The following USP5 variants were observed in gnomAD, a reference collection of about 807,000 sequenced individuals.
The protein encoded by USP5 is ubiquitin specific peptidase 5, also known as ubiquitin carboxyl-terminal hydrolase 5.
USP5 carries 24 observed loss-of-function variants against 102.5 expected under a neutral mutation model. The observed-to-expected ratio is 0.23, with a 90% confidence interval of 0.17 to 0.33. USP5 has a LOEUF of 0.33. Ranked by LOEUF, USP5 falls within the 10% of genes least tolerant of loss-of-function variation. The pLI, the probability that USP5 is intolerant of heterozygous loss-of-function variation, is 1.00. For missense variants in USP5, 753 were observed against 1,122.1 expected (o/e 0.67, Z 4.70); for synonymous variants, 460 against 434.8 (o/e 1.06, Z -0.72).
At chr12:6,859,655 G>A in intron 9 of USP5, 114 bp downstream of exon 9, 1 of 1,073,768 alleles carries the variant, frequency 9.3e-7, no homozygotes, top group Non-Finnish European at 1.4e-6. Flanking sequence ...TTTTTGTTTT[G>A]TTTTGTTTTG....
rs782684983 is a variant in USP5 at position 6,857,699 on chromosome 12, C to T, written c.840C>T (p.Gly280=). ...PSLAEHLSHF[G]IDMLKMQKTD... is the part of the protein sequence containing the mutation. ...TGGCTGAGCACCTGTCCCACTTCGG[C>T]ATCGACATGCTGAAGATGCAGAAGG... is the stretch of plus-strand genomic sequence containing the variant. The change falls in exon 7 of 20, where the codon GGC becomes GGT. Residue 280 remains glycine (G), a synonymous_variant. Coordinates refer to ENST00000229268, the MANE Select transcript of USP5 (RefSeq NM_001098536.2). 1 of 1,614,142 alleles carries T rather than the reference C, an allele frequency of 6.2e-7. No individual in the cohort carries two copies. The highest frequency in any genetic ancestry group is 1.1e-5 in the South Asian group (1 of 91,074).
In USP5 at chr12:6,863,183, C is replaced by T; in HGVS notation, c.1763-3C>T. On this transcript the variant is annotated splice_polypyrimidine_tract_variant and splice_region_variant and intron_variant, in intron 14 of 19. Coordinates refer to ENST00000229268, the MANE Select transcript of USP5 (RefSeq NM_001098536.2). This position sits in a 1 kb window ranked among gnomAD's most constrained non-coding sequence, Gnocchi z 4.7. ...AGCTGCTGAGGTGACCCTTTTCCCA[C>T]AGATGTGTCCATCGAGATGCCAGAG... is the stretch of plus-strand genomic sequence containing the variant. 1 of 1,607,306 alleles carries T rather than the reference C, an allele frequency of 6.2e-7. No individual in the cohort carries two copies. The highest frequency in any genetic ancestry group is 8.5e-7 in the Non-Finnish European group (1 of 1,176,438).
chr12:6,863,850 G>C lies in USP5; in HGVS notation c.1975G>C (p.Val659Leu). The C allele has an allele frequency of 1.2e-6, 2 of 1,603,962 alleles. No individual in the cohort carries two copies. The highest frequency in any genetic ancestry group is 1.1e-5 in the South Asian group (1 of 89,884). ...TACAGCGCCCATGCTGGATGAATCA[G>C]TCATCATCCAGCTGGTGGAGATGGG... ...SPTSPMLDESVIIQLVEMGFP... is the reference protein window; with the variant it reads ...SPTSPMLDESLIIQLVEMGFP... The change falls in exon 16 of 20, where the codon GTC (valine) becomes CTC (leucine). Residue 659 changes from valine (V) to leucine (L), a missense_variant. By Grantham distance (32) the Val-to-Leu change is conservative (BLOSUM62 1). This residue lies in a region of USP5 where 193 missense variants were observed against 230.2 expected (regional missense o/e 0.84). Coordinates refer to ENST00000229268, the MANE Select transcript of USP5 (RefSeq NM_001098536.2). This position sits in a 1 kb window ranked among gnomAD's most constrained non-coding sequence, Gnocchi z 4.7.
At position 6,863,742 on chromosome 12, in the gene USP5, A is replaced by T; in HGVS notation, c.1955-88A>T. 2.7e-6 allele frequency: 4 copies of T among 1,481,726 alleles called. No homozygotes were observed. The South Asian group carries it at 4.2e-5, about 16-fold the overall frequency. 91.8% of individuals were successfully genotyped at this position (1,481,726 alleles called of 1,614,324 possible). On this transcript the variant is annotated intron_variant, in intron 15 of 19. Transcript: ENST00000229268. The surrounding 1 kb of genome is among the most constrained non-coding windows in gnomAD (Gnocchi z 4.7). ...GGGAGAAAAATGCATGGAATGGGTG[A>T]TTGGAAGAGGGCTGGGTCCTGGGGG...
At position 6,858,179 on chromosome 12, in the gene USP5, A is replaced by G. The variant is rs1024754462; in HGVS notation, c.865-245A>G. On this transcript the variant is annotated intron_variant, in intron 7 of 19. Coordinates refer to ENST00000229268, the MANE Select transcript of USP5 (RefSeq NM_001098536.2). The surrounding 1 kb of genome is among the most constrained non-coding windows in gnomAD (Gnocchi z 4.2). ...AACTTAAGGATGGGAAAAACATTTC[A>G]GGTAGAAGGAAATTTTATTCCTCAT... Among the ~76,000 whole-genome samples the G allele has an allele frequency of 1.3e-5, 2 of 152,206 alleles. No individual in the cohort carries two copies. The highest frequency in any genetic ancestry group is 1.5e-5 in the Non-Finnish European group (1 of 68,032).
In USP5 at chr12:6,863,412, G is replaced by T. The variant is rs782204466; in HGVS notation, c.1954+35G>T. ...TCTTCTTCCTGCCTGTCTCTCTCCC[G>T]TGCTGATGGGGGCCTCTCTGCCTTG... On this transcript the variant is annotated intron_variant, in intron 15 of 19. Transcript: ENST00000229268. The surrounding 1 kb of genome is among the most constrained non-coding windows in gnomAD (Gnocchi z 4.7). 1.3e-6 allele frequency: 2 copies of T among 1,594,430 alleles called. No individual in the cohort carries two copies. The highest frequency in any genetic ancestry group is 1.7e-5 in the Admixed American group (1 of 58,864).
rs782812188 is a variant in USP5 at position 6,855,544 on chromosome 12, G to A, written c.237+18G>A. The A allele has an allele frequency of 1.1e-5, 18 of 1,613,660 alleles. No homozygotes were observed. In the South Asian group the frequency reaches 1.9e-4, roughly 17 times the overall value. On this transcript the variant is annotated intron_variant, in intron 2 of 19. Transcript: ENST00000229268. This position sits in a 1 kb window ranked among gnomAD's most constrained non-coding sequence, Gnocchi z 4.6. ...GGCGCCCGGTAGGAGCAGGGCTGGGGCAAGGCCTGGGTACATTGTCTGTTC... is the reference window on the plus strand; with the variant it reads ...GGCGCCCGGTAGGAGCAGGGCTGGGACAAGGCCTGGGTACATTGTCTGTTC...
In USP5 at chr12:6,861,624, C is replaced by A. The variant is rs1380728279; in HGVS notation, c.1673+7C>A. The A allele has an allele frequency of 3.2e-6, 5 of 1,544,116 alleles. No individual in the cohort carries two copies. In the African/African-American group the frequency reaches 5.5e-5, roughly 17 times the overall value. ...CCAAGTCAGTAGCTGTCAAGTAAGTCCTCTGGTCGGGGCCTGAGGCTGTGG... is the reference window on the plus strand; with the variant it reads ...CCAAGTCAGTAGCTGTCAAGTAAGTACTCTGGTCGGGGCCTGAGGCTGTGG... On this transcript the variant is annotated splice_region_variant and intron_variant, in intron 13 of 19. Coordinates refer to ENST00000229268, the MANE Select transcript of USP5 (RefSeq NM_001098536.2). This position sits in a 1 kb window ranked among gnomAD's most constrained non-coding sequence, Gnocchi z 4.9.
At chr12:6,853,659 T>C (rs1213636159) in intron 1 of USP5, among the ~76,000 whole-genome samples, 1 of 152,218 alleles carries the variant, frequency 6.6e-6, no homozygotes, top group Non-Finnish European at 1.5e-5. Flanking sequence ...CTTTGAATAA[T>C]CCAAAAAGGG....
In USP5 at chr12:6,860,309, G is replaced by C; in HGVS notation, c.1219-57G>C. On this transcript the variant is annotated intron_variant, in intron 10 of 19. Coordinates refer to ENST00000229268, the MANE Select transcript of USP5 (RefSeq NM_001098536.2). The surrounding 1 kb of genome is among the most constrained non-coding windows in gnomAD (Gnocchi z 5.5). Reference sequence around the variant, plus strand: ...AGCTGAGGTCTGGGAGATGTCTAAAGAAGGCCCCTGGATGGCCACTGAGCC... The same window carrying C: ...AGCTGAGGTCTGGGAGATGTCTAAACAAGGCCCCTGGATGGCCACTGAGCC... The C allele has an allele frequency of 1.2e-6, 2 of 1,613,250 alleles. No individual in the cohort carries two copies. The highest frequency in any genetic ancestry group is 1.1e-5 in the South Asian group (1 of 91,064).
Position 6,860,813 on chromosome 12 carries a change from G to C in USP5, c.1345-140G>C. 7.8e-7 allele frequency: 1 copy of C among 1,288,104 alleles called. No individual in the cohort carries two copies. Among genetic ancestry groups the C allele is most frequent in the Non-Finnish European group, 1.1e-6 (1 of 926,136 alleles). 79.8% of individuals were successfully genotyped at this position (1,288,104 alleles called of 1,614,324 possible). Reference sequence around the variant, plus strand: ...GAAATGGGGAGGGGTTGGTGAATTAGGGAAGGTTTCTGCTCTGCTCTTGTG... The same window carrying C: ...GAAATGGGGAGGGGTTGGTGAATTACGGAAGGTTTCTGCTCTGCTCTTGTG... On this transcript the variant is annotated intron_variant, in intron 11 of 19. Transcript: ENST00000229268. The surrounding 1 kb of genome is among the most constrained non-coding windows in gnomAD (Gnocchi z 5.5).
chr12:6,854,939 G>A (rs1555127792), intron 1 of USP5, among the ~76,000 whole-genome samples: 1 of 152,128 alleles, frequency 6.6e-6, no homozygotes, highest in Admixed American at 6.5e-5. Context: ...TCACATGAAA[G>A]TCTTTCCTCT....
chr12:6,866,137 G>GGGCTGA lies in USP5; in HGVS notation c.*63_*68dup. 6.7e-7 allele frequency: 1 copy of GGGCTGA among 1,489,698 alleles called. No homozygotes were observed. The highest frequency in any genetic ancestry group is 9.4e-7 in the Non-Finnish European group (1 of 1,068,236). 92.3% of individuals were successfully genotyped at this position (1,489,698 alleles called of 1,614,324 possible). On this transcript the variant is annotated 3_prime_UTR_variant, in exon 20 of 20. Coordinates refer to ENST00000229268, the MANE Select transcript of USP5 (RefSeq NM_001098536.2). The surrounding 1 kb of genome is among the most constrained non-coding windows in gnomAD (Gnocchi z 4.7). ...GAAGACCACCTGGCATGAGGGAGAGGGGCTGAGGGATGGACTTCAGCCCCT... is the reference window on the plus strand; with the variant it reads ...GAAGACCACCTGGCATGAGGGAGAGGGGCTGAGGCTGAGGGATGGACTTCAGCCCCT...
chr12:6,865,564 G>C (rs1000165675), intron 19 of USP5, among the ~76,000 whole-genome samples: 1 of 152,138 alleles, frequency 6.6e-6, no homozygotes, highest in Non-Finnish European at 1.5e-5. Flanking sequence ...TGCCTGGCCA[G>C]GCCCCCTGCC....
chr12:6,862,228 G>A (rs1337967588), intron 13 of USP5, among the ~76,000 whole-genome samples: 1 of 152,060 alleles, frequency 6.6e-6, no homozygotes, highest in Non-Finnish European at 1.5e-5. Context: ...TTACAGATAT[G>A]AGCCACCATG....
chr12:6,860,853 G>A lies in USP5; in HGVS notation c.1345-100G>A. ...CTGCTCTTGTGTCCCTGAGTTCCGAGTGGTAGTCTGCCTTCTCTCCCTGAC... is the reference window on the plus strand; with the variant it reads ...CTGCTCTTGTGTCCCTGAGTTCCGAATGGTAGTCTGCCTTCTCTCCCTGAC... On this transcript the variant is annotated intron_variant, in intron 11 of 19. Transcript: ENST00000229268. The surrounding 1 kb of genome is among the most constrained non-coding windows in gnomAD (Gnocchi z 5.5). The A allele has an allele frequency of 6.6e-7, 1 of 1,514,350 alleles. No homozygotes were observed. The highest frequency in any genetic ancestry group is 9.0e-7 in the Non-Finnish European group (1 of 1,112,010). 93.8% of individuals were successfully genotyped at this position (1,514,350 alleles called of 1,614,324 possible).
In USP5 at chr12:6,852,193, G is replaced by A; in HGVS notation, c.14G>A (p.Ser5Asn). Residue 5 changes from serine to asparagine, a missense_variant, in exon 1 of 20, where the codon AGT becomes AAT. By Grantham distance (46) the Ser-to-Asn change is conservative. Coordinates refer to ENST00000229268, the MANE Select transcript of USP5 (RefSeq NM_001098536.2). ...GCTGCCGGTGTCATGGCGGAGCTGA[G>A]TGAGGAGGCGCTGCTGTCAGTATTA... is the stretch of plus-strand genomic sequence containing the variant. MAEL[S>N]EEALLSVLPT... 6.2e-7 allele frequency: 1 copy of A among 1,611,962 alleles called. No homozygotes were observed. The highest frequency in any genetic ancestry group is 8.5e-7 in the Non-Finnish European group (1 of 1,179,308).
At position 6,860,551 on chromosome 12, in the gene USP5, G is replaced by A. The variant is rs2138057262; in HGVS notation, c.1344+60G>A. 1 of 1,604,366 alleles carries A rather than the reference G, an allele frequency of 6.2e-7. No homozygotes were observed. On this transcript the variant is annotated intron_variant, in intron 11 of 19. Coordinates refer to ENST00000229268, the MANE Select transcript of USP5 (RefSeq NM_001098536.2). This position sits in a 1 kb window ranked among gnomAD's most constrained non-coding sequence, Gnocchi z 5.5. ...CTGCAATTTACTCGCTCTCCTTCCT[G>A]CCCATTTCTCCCTCTATCAGCCCCA...
chr12:6,859,371 A>G, intron 8 of USP5, 99 bp from the exon 9 acceptor site: 1 of 1,223,720 alleles, frequency 8.2e-7, no homozygotes, highest in South Asian at 1.2e-5. Context: ...CCCACTCTTG[A>G]GGGGAGCCCG....
Sources: gnomAD v4.1 joint callset for allele counts (sites outside exome capture counted in the v4.1 genomes callset) on GRCh38, gnomAD v4.1.1 for gene constraint, gnomAD v4.1.1 regional missense constraint, Gnocchi (gnomAD v3.1) non-coding constraint, MANE v1.5 for transcripts, NCBI Gene and HGNC (gene_info 2026-07-23, HGNC 2026-07-21) for gene names.